The following PPP2R2C variants were observed in gnomAD, a reference collection of about 807,000 sequenced individuals.
PPP2R2C encodes the protein protein phosphatase 2 regulatory subunit Bgamma.
PPP2R2C carries 10 observed loss-of-function variants against 45.3 expected under a neutral mutation model. The observed-to-expected ratio is 0.22, with a 90% CI of 0.14 to 0.37. The LOEUF (loss-of-function observed/expected upper bound fraction) is 0.37, where lower values mean the gene tolerates loss of function less well. Among genes scored for constraint, PPP2R2C ranks in the 10% least tolerant of loss-of-function variants. PPP2R2C has a pLI of 1.00. For synonymous variants in PPP2R2C, 257 were observed against 245.4 expected (o/e 1.05, Z -0.44); for missense variants, 308 against 619.7 (o/e 0.50, Z 5.34).
intron 6 of PPP2R2C, among the ~76,000 whole-genome samples, chr4:6,346,196 C>T (rs544324544): frequency 1.6e-4 from 24 of 152,314 alleles, no homozygotes; most frequent in Admixed American, 7.2e-4. Flanking sequence ...GCCTGCTCCC[C>T]CGGGGACCCT....
intron 1 of PPP2R2C, chr4:6,414,155 A>C: frequency 8.9e-7 from 1 of 1,123,566 alleles, no homozygotes; most frequent in African/African-American, 1.6e-5. Flanking sequence ...GAAACAAAAT[A>C]CGGCCTAGTA....
chr4:6,411,648 G>C (rs960518627), intron 1 of PPP2R2C, among the ~76,000 whole-genome samples: 2 of 151,734 alleles, frequency 1.3e-5, no homozygotes, highest in Admixed American at 6.6e-5. Context: ...CGCCTCCTGG[G>C]CTCACGCCAT....
intron 2 of PPP2R2C, among the ~76,000 whole-genome samples, chr4:6,521,632 C>T (rs1724030474): frequency 1.3e-5 from 2 of 152,154 alleles, no homozygotes; most frequent in South Asian, 2.1e-4. Flanking sequence ...CCCTCCTCTC[C>T]TCCCTCGAGG....
intron 1 of PPP2R2C, among the ~76,000 whole-genome samples, chr4:6,413,745 C>A (rs1427824360): frequency 6.6e-6 from 1 of 152,202 alleles, no homozygotes; most frequent in African/African-American, 2.4e-5. Flanking sequence ...CCCCAACAAT[C>A]CTGGTGGTGG....
chr4:6,373,381 C>T (rs914030596), intron 4 of PPP2R2C, among the ~76,000 whole-genome samples: 2 of 152,184 alleles, frequency 1.3e-5, no homozygotes, highest in African/African-American at 2.4e-5. Flanking sequence ...CTGACTCATA[C>T]GAACTTTCAT....
chr4:6,494,583 A>C (rs28392771), intron 2 of PPP2R2C, among the ~76,000 whole-genome samples: 1,660 of 152,308 alleles, frequency 0.011, 33 homozygotes, highest in African/African-American at 0.037. Flanking sequence ...ACACAAACCC[A>C]GCCCCTAACT....
In PPP2R2C at chr4:6,374,841, C is replaced by T. The variant is rs73206130; in HGVS notation, c.447+978G>A. Among the ~76,000 whole-genome samples the T allele has an allele frequency of 5.0e-3, 765 of 152,252 alleles. 1 individual carries two copies. The highest frequency in any genetic ancestry group is 8.0e-3 in the Non-Finnish European group (546 of 68,022). On this transcript the variant is annotated intron_variant, in intron 4 of 8. Transcript: ENST00000382599. ...AAACAGCTGCCTCCAGTGTGAACTGCGCAGGGTGGGTAGAATGCTGTGCAG... is the reference window on the plus strand; with the variant it reads ...AAACAGCTGCCTCCAGTGTGAACTGTGCAGGGTGGGTAGAATGCTGTGCAG...
At chr4:6,502,513 C>T (rs1317388331) in intron 2 of PPP2R2C, among the ~76,000 whole-genome samples, 1 of 151,928 alleles carries the variant, frequency 6.6e-6, no homozygotes, top group Non-Finnish European at 1.5e-5. Context: ...CTCTCTCCCT[C>T]TCTCCCTCCC....
chr4:6,472,373 C>T lies in PPP2R2C; in HGVS notation c.-144G>A, dbSNP rs1721950350. On this transcript the variant is annotated 5_prime_UTR_variant, in exon 1 of 9. Transcript: ENST00000382599. ...GGGCCCCGAAGGGAGGGCATCGCGG[C>T]AGGGGGACGGGCGGGGGCGGCCGGG... 2 of 1,080,636 alleles carry T rather than the reference C, an allele frequency of 1.9e-6. No individual in the cohort carries two copies. The highest frequency in any genetic ancestry group is 1.7e-5 in the African/African-American group (1 of 59,158). The allele number at this position is 1,080,636 out of a possible 1,614,324, so 66.9% of individuals were successfully genotyped here.
In PPP2R2C at chr4:6,364,132, G is replaced by T. The variant is rs1299959249; in HGVS notation, c.625+8391C>A. 2.6e-5 allele frequency among the ~76,000 whole-genome samples: 4 copies of T among 152,232 alleles called. No individual in the cohort carries two copies. The highest frequency in any genetic ancestry group is 2.1e-4 in the South Asian group (1 of 4,830). On this transcript the variant is annotated intron_variant, in intron 5 of 8. Coordinates refer to ENST00000382599, the MANE Select transcript of PPP2R2C (RefSeq NM_020416.4). This position sits in a 1 kb window ranked among gnomAD's most constrained non-coding sequence, Gnocchi z 5.3. ...AACGAGGTAGAGGCCAAGCCTCTAG[G>T]GAAGGGGCTCGAGGGAGTCATGGAG...
intron 1 of PPP2R2C, among the ~76,000 whole-genome samples, chr4:6,544,918 A>G (rs911930329): frequency 6.6e-6 from 1 of 152,200 alleles, no homozygotes; most frequent in Non-Finnish European, 1.5e-5. Context: ...CTGTCAAATA[A>G]TTCTTCAGTG....
At chr4:6,491,533 C>T (rs1722699522) in intron 2 of PPP2R2C, among the ~76,000 whole-genome samples, 1 of 152,194 alleles carries the variant, frequency 6.6e-6, no homozygotes, top group Non-Finnish European at 1.5e-5. Context: ...GCCAGGCCAT[C>T]ATGGGGCAGG....
chr4:6,554,816 T>A (rs534506982), intron 1 of PPP2R2C, among the ~76,000 whole-genome samples: 47 of 140,882 alleles, frequency 3.3e-4, no homozygotes, highest in African/African-American at 1.2e-3. Context: ...GCCAAGATCA[T>A]GCCACTGCAC....
At chr4:6,348,890 C>T in intron 5 of PPP2R2C, 3 of 762,816 alleles carry the variant, frequency 3.9e-6, no homozygotes, top group Non-Finnish European at 4.8e-6. Flanking sequence ...TGTTTAGAGT[C>T]AAGAACTTTG....
At chr4:6,384,760 A>T (rs1351201393) in intron 1 of PPP2R2C, 2 of 985,290 alleles carry the variant, frequency 2.0e-6, no homozygotes, top group Non-Finnish European at 2.4e-6. Flanking sequence ...CTTTAACCTC[A>T]CGCCAGCCCC....
At chr4:6,376,007 T>G in intron 3 of PPP2R2C, 76 bp from the exon 4 acceptor site, 1 of 1,272,300 alleles carries the variant, frequency 7.9e-7, no homozygotes, top group Non-Finnish European at 1.1e-6. Flanking sequence ...CTTTAGAAGG[T>G]GAAATCATGA....
At chr4:6,450,540 G>A (rs1720683205) in intron 1 of PPP2R2C, among the ~76,000 whole-genome samples, 1 of 152,164 alleles carries the variant, frequency 6.6e-6, no homozygotes, top group Non-Finnish European at 1.5e-5. Flanking sequence ...GACCATCAAG[G>A]CATCCAAGTG....
intron 8 of PPP2R2C, among the ~76,000 whole-genome samples, chr4:6,325,386 C>A (rs551736885): frequency 6.6e-6 from 1 of 152,256 alleles, no homozygotes; most frequent in East Asian, 1.9e-4. Flanking sequence ...AAGCAGCATG[C>A]GAGGGGGGCC....
At position 6,472,405 on chromosome 4, in the gene PPP2R2C, C is replaced by T; in HGVS notation, c.-176G>A. 1 of 867,566 alleles carries T rather than the reference C, an allele frequency of 1.2e-6. No homozygotes were observed. The highest frequency in any genetic ancestry group is 1.4e-6 in the Non-Finnish European group (1 of 724,278). 53.7% of individuals were successfully genotyped at this position (867,566 alleles called of 1,614,324 possible). On this transcript the variant is annotated 5_prime_UTR_variant, in exon 1 of 9. Transcript: ENST00000382599. ...ACGGGCGGGGGCGGCCGGGGGCGGG[C>T]GCCGCGGTCAAGCGAGCGCGCGGTG... is the stretch of plus-strand genomic sequence containing the variant.
Sources: allele counts gnomAD v4.1 joint callset (sites outside exome capture counted in the v4.1 genomes callset), GRCh38; gene constraint gnomAD v4.1.1; non-coding constraint Gnocchi (gnomAD v3.1); transcripts MANE v1.5; gene names NCBI Gene and HGNC (gene_info 2026-07-23, HGNC 2026-07-21).